The following MAPK10 variants were observed in gnomAD, a reference collection of about 807,000 sequenced individuals.
The protein encoded by MAPK10 is JNK3 alpha protein kinase.
Under a neutral mutation model 59.3 loss-of-function variants are expected in MAPK10, and 25 were observed. The observed-to-expected ratio is 0.42, with a 90% CI of 0.31 to 0.59. MAPK10 has a LOEUF of 0.59. MAPK10 is among the 20% of genes least tolerant of loss of function. MAPK10 has a pLI of 0.15. For missense variants in MAPK10, 351 were observed against 568.9 expected (o/e 0.62, Z 3.90); for synonymous variants, 190 against 200.5 (o/e 0.95, Z 0.44).
At chr4:86,045,392 A>ATGGT (rs1344542184) in intron 11 of MAPK10, among the ~76,000 whole-genome samples, 7 of 152,108 alleles carry the variant, frequency 4.6e-5, no homozygotes, top group East Asian at 3.9e-4. Context: ...ATATGATATT[A>ATGGT]CTCATCTTTG....
chr4:86,569,655 T>C (rs1209958398), intron 1 of MAPK10, among the ~76,000 whole-genome samples: 1 of 152,066 alleles, frequency 6.6e-6, no homozygotes, highest in African/African-American at 2.4e-5. Flanking sequence ...TGCAGCAACA[T>C]AGATGGGACT....
intron 1 of MAPK10, among the ~76,000 whole-genome samples, chr4:86,485,717 G>A (rs1232148055): frequency 6.6e-6 from 1 of 152,182 alleles, no homozygotes; most frequent in Non-Finnish European, 1.5e-5. Flanking sequence ...TCCATTGACT[G>A]TATTTGGAGA....
intron 2 of MAPK10, among the ~76,000 whole-genome samples, chr4:86,256,065 C>A (rs2093693999): frequency 6.6e-6 from 1 of 152,152 alleles, no homozygotes; most frequent in Non-Finnish European, 1.5e-5. Context: ...TTACAGGCAC[C>A]AGACAAGTTT....
intron 11 of MAPK10, among the ~76,000 whole-genome samples, chr4:86,060,405 T>C (rs893713914): frequency 8.5e-5 from 13 of 152,170 alleles, no homozygotes; most frequent in Non-Finnish European, 1.6e-4. Context: ...GAAATAAAGC[T>C]ATTTAAAAAA....
At chr4:86,155,665 C>T (rs1021710845) in intron 4 of MAPK10, among the ~76,000 whole-genome samples, 1 of 151,970 alleles carries the variant, frequency 6.6e-6, no homozygotes, top group Admixed American at 6.6e-5. Flanking sequence ...AATAGAACAA[C>T]TGCAATAACA....
chr4:86,567,393 T>G (rs1329226648), intron 1 of MAPK10, among the ~76,000 whole-genome samples: 1 of 152,146 alleles, frequency 6.6e-6, no homozygotes, highest in Non-Finnish European at 1.5e-5. Flanking sequence ...GCTAATTTTG[T>G]ATTGTTAGTA....
intron 2 of MAPK10, among the ~76,000 whole-genome samples, chr4:86,318,255 G>A (rs2095827342): frequency 6.6e-6 from 1 of 152,134 alleles, no homozygotes; most frequent in Non-Finnish European, 1.5e-5. Context: ...TTGATTTTAT[G>A]TAGAATTCAA....
Position 86,015,754 on chromosome 4 carries a change from C to T in MAPK10, c.*1474G>A, listed in dbSNP as rs758866486. 2 of 152,122 alleles carry T rather than the reference C, an allele frequency of 1.3e-5. No individual in the cohort carries two copies. Among genetic ancestry groups the T allele is most frequent in the Non-Finnish European group, 2.9e-5 (2 of 68,022 alleles). 9.4% of individuals were successfully genotyped at this position (152,122 alleles called of 1,614,324 possible). ...TAAATTTATGGGCAGAGTTATTGCT[C>T]TTACATCTACTGCAGTACAAAACTC... On this transcript the variant is annotated 3_prime_UTR_variant, in exon 14 of 14. Coordinates refer to ENST00000641462, the MANE Select transcript of MAPK10 (RefSeq NM_138982.4).
chr4:86,211,463 A>G (rs941854689), intron 2 of MAPK10, among the ~76,000 whole-genome samples: 8 of 152,148 alleles, frequency 5.3e-5, no homozygotes, highest in African/African-American at 1.9e-4. Flanking sequence ...GTGTCAACCA[A>G]GAATCTAATG....
chr4:86,174,468 G>T (rs921165409), intron 3 of MAPK10, among the ~76,000 whole-genome samples: 1 of 152,152 alleles, frequency 6.6e-6, no homozygotes, highest in Non-Finnish European at 1.5e-5. Flanking sequence ...GACCTGTCAG[G>T]GGGGTGGTGG....
chr4:86,443,332 G>A (rs1397198529), intron 1 of MAPK10, among the ~76,000 whole-genome samples: 1 of 152,050 alleles, frequency 6.6e-6, no homozygotes, highest in African/African-American at 2.4e-5. Flanking sequence ...AACAAGGCCT[G>A]CCCTCAGGAG....
chr4:86,222,718 T>A (rs776400510), intron 2 of MAPK10, among the ~76,000 whole-genome samples: 3 of 152,238 alleles, frequency 2.0e-5, no homozygotes, highest in Non-Finnish European at 2.9e-5. Flanking sequence ...GAAGTGGAAG[T>A]CCATTTTGTT....
At chr4:86,109,992 C>CT (rs2057212076) in intron 4 of MAPK10, among the ~76,000 whole-genome samples, 1 of 152,104 alleles carries the variant, frequency 6.6e-6, no homozygotes, top group South Asian at 2.1e-4. Flanking sequence ...TAATGTTGAG[C>CT]TTTTTTTCAT....
At chr4:86,123,310 T>A (rs1036672626) in intron 4 of MAPK10, among the ~76,000 whole-genome samples, 1 of 152,094 alleles carries the variant, frequency 6.6e-6, no homozygotes, top group Non-Finnish European at 1.5e-5. Context: ...GATGAACACT[T>A]AGATTGATTT....
chr4:86,070,839 C>T (rs977612647), intron 9 of MAPK10, among the ~76,000 whole-genome samples: 1 of 151,984 alleles, frequency 6.6e-6, no homozygotes, highest in Admixed American at 6.6e-5. Context: ...GTGAATAATG[C>T]CATAATAAAA....
intron 2 of MAPK10, among the ~76,000 whole-genome samples, chr4:86,196,570 C>A (rs1298959924): frequency 6.6e-6 from 1 of 152,078 alleles, no homozygotes; most frequent in Non-Finnish European, 1.5e-5. Flanking sequence ...TAATTAGATC[C>A]CATTTGTCAG....
At chr4:86,118,509 T>G (rs1004623925) in intron 4 of MAPK10, among the ~76,000 whole-genome samples, 5 of 152,068 alleles carry the variant, frequency 3.3e-5, no homozygotes, top group Non-Finnish European at 7.4e-5. Flanking sequence ...TATGCTCCTG[T>G]CATTTAATTC....
chr4:86,099,914 A>G (rs2055021535), intron 8 of MAPK10: 1 of 152,006 alleles, frequency 6.6e-6, no homozygotes, highest in Non-Finnish European at 1.5e-5. Flanking sequence ...AGGTACCAGA[A>G]CTCCGATATT....
chr4:86,446,448 T>A (rs1579252395), intron 1 of MAPK10, among the ~76,000 whole-genome samples: 1 of 152,144 alleles, frequency 6.6e-6, no homozygotes, highest in Non-Finnish European at 1.5e-5. Flanking sequence ...ACTCCTGGCC[T>A]CAAGCAATCC....
Sources: gnomAD v4.1 joint callset for allele counts (sites outside exome capture counted in the v4.1 genomes callset) on GRCh38, gnomAD v4.1.1 for gene constraint, MANE v1.5 for transcripts, NCBI Gene and HGNC (gene_info 2026-07-23, HGNC 2026-07-21) for gene names.